The following DYSF variants were observed in gnomAD, a reference collection of about 807,000 sequenced individuals.
DYSF encodes dysferlin.
A neutral mutation model predicts 274.9 loss-of-function variants in DYSF; 212 were observed. The ratio of observed to expected loss-of-function variants is 0.77; its 90% CI spans 0.69 to 0.86. DYSF has a LOEUF of 0.86. DYSF is among the 40% of genes least tolerant of loss of function. The pLI is 0.00. For missense variants in DYSF, 2,666 were observed against 2,783.2 expected (o/e 0.96, Z 0.95); for synonymous variants, 1,091 against 1,078.7 (o/e 1.01, Z -0.22).
chr2:71,464,063 T>G (rs973388324), upstream of DYSF, among the ~76,000 whole-genome samples: 2 of 152,186 alleles, frequency 1.3e-5, no homozygotes, highest in African/African-American at 4.8e-5. Flanking sequence ...CCCACCCCCA[T>G]GCTCATCCTA....
rs886042493 is a variant in DYSF at position 71,665,293 on chromosome 2, T to C, written c.5306T>C (p.Ile1769Thr). ...RVMFQDKEYS[I>T]EEIEAGRIPN... The stretch of plus-strand genomic sequence containing the variant: ...ATGTTTCAGGATAAAGAATATTCCA[T>C]TGAAGAGATAGGTGAGCTGCCACAT... The change falls in exon 47 of 56, where the codon ATT becomes ACT. Residue 1769 changes from isoleucine to threonine, a missense_variant. This residue lies in a region of DYSF where 1,460 missense variants were observed against 1,502.1 expected (regional missense o/e 0.97). Coordinates refer to ENST00000410020, the MANE Select transcript of DYSF (RefSeq NM_001130987.2). The C allele has an allele frequency of 2.5e-6, 4 of 1,614,164 alleles. No individual in the cohort carries two copies. Among genetic ancestry groups the C allele is most frequent in the Middle Eastern group, 1.6e-4 (1 of 6,062 alleles).
chr2:71,610,283 G>T (rs13395087), intron 36 of DYSF, among the ~76,000 whole-genome samples: 26,903 of 152,154 alleles, frequency 0.18, 5,041 homozygotes, highest in African/African-American at 0.48. Context: ...AAGCTCTAAA[G>T]GTTATACAGG....
chr2:71,513,811 A>AC lies in DYSF; in HGVS notation c.653dup (p.Arg219LysfsTer24), dbSNP rs2152731820. Reference sequence around the variant, plus strand: ...AAGCGGAGGCCCGGGGGCTCCCACCACCCCAAGGAAACTACCTTCACGTCC... The same window carrying AC: ...AAGCGGAGGCCCGGGGGCTCCCACCACCCCCAAGGAAACTACCTTCACGTCC... On this transcript the variant is annotated frameshift_variant, in exon 7 of 56. Coordinates refer to ENST00000410020, the MANE Select transcript of DYSF (RefSeq NM_001130987.2). LOFTEE classifies it high-confidence loss of function. The AC allele has an allele frequency of 6.2e-7, 1 of 1,614,094 alleles. No homozygotes were observed. The highest frequency in any genetic ancestry group is 8.5e-7 in the Non-Finnish European group (1 of 1,179,990).
At chr2:71,499,444 A>C (rs530876786) in intron 3 of DYSF, among the ~76,000 whole-genome samples, 1 of 152,326 alleles carries the variant, frequency 6.6e-6, no homozygotes, top group Admixed American at 6.5e-5. Flanking sequence ...ATAAGACCCA[A>C]TGTTTTAAAA....
chr2:71,601,192 G>A (rs1170406680), intron 34 of DYSF: 12 of 591,206 alleles, frequency 2.0e-5, no homozygotes, highest in Non-Finnish European at 3.3e-5. Context: ...CCATGACCTA[G>A]CCTCATGGCC....
intron 1 of DYSF, among the ~76,000 whole-genome samples, chr2:71,477,002 A>C (rs1322598833): frequency 3.3e-5 from 5 of 152,148 alleles, no homozygotes; most frequent in African/African-American, 1.2e-4. Flanking sequence ...TGAGCTTTTC[A>C]AGCAGAAATT....
chr2:71,667,255 G>T (rs543061516), intron 47 of DYSF, 121 bp from the exon 48 acceptor site: 6 of 1,423,790 alleles, frequency 4.2e-6, no homozygotes, highest in Non-Finnish European at 3.0e-6. Context: ...TGGGGGTGAG[G>T]CTGCGGGGGT....
intron 41 of DYSF, among the ~76,000 whole-genome samples, chr2:71,638,771 T>C (rs571582459): frequency 6.6e-6 from 1 of 152,356 alleles, no homozygotes; most frequent in East Asian, 1.9e-4. Flanking sequence ...TTAGCTGTTA[T>C]GAATAATGCT....
chr2:71,560,983 C>T (rs959541038), intron 22 of DYSF, among the ~76,000 whole-genome samples: 3 of 152,152 alleles, frequency 2.0e-5, no homozygotes, highest in Non-Finnish European at 4.4e-5. Context: ...GTGTGGGTAC[C>T]GACCCCTGGC....
chr2:71,577,012 A>T (rs1309388972), intron 30 of DYSF: 8 of 152,356 alleles, frequency 5.3e-5, no homozygotes, highest in Admixed American at 5.2e-4. Context: ...CCAAAGTGGC[A>T]AAGCCCCGAG....
intron 21 of DYSF, among the ~76,000 whole-genome samples, chr2:71,555,213 C>A (rs1486134881): frequency 6.6e-6 from 1 of 152,168 alleles, no homozygotes; most frequent in South Asian, 2.1e-4. Flanking sequence ...CCAGTATCTG[C>A]CTTCTGGGCC....
chr2:71,537,248 CG>C (rs1321712107), intron 16 of DYSF, among the ~76,000 whole-genome samples: 1 of 29,436 alleles, frequency 3.4e-5, no homozygotes, highest in African/African-American at 1.3e-4. Context: ...TTTTTTTTTG[CG>C]GGGGGCGTGG....
chr2:71,545,606 G>C (rs2090404520), intron 17 of DYSF, among the ~76,000 whole-genome samples: 1 of 152,146 alleles, frequency 6.6e-6, no homozygotes, highest in Non-Finnish European at 1.5e-5. Context: ...GGTATGGAAG[G>C]AACCTCGTCT....
intron 55 of DYSF, 84 bp from the exon 56 acceptor site, chr2:71,686,370 T>G (rs1316837717): frequency 6.4e-7 from 1 of 1,560,228 alleles, no homozygotes; most frequent in Non-Finnish European, 8.8e-7. Flanking sequence ...CCCCATCCTC[T>G]GAGCCCCAGG....
At chr2:71,456,773 C>T (rs1436191609) in intron 1 of DYSF, among the ~76,000 whole-genome samples, 1 of 152,164 alleles carries the variant, frequency 6.6e-6, no homozygotes, top group Non-Finnish European at 1.5e-5. Flanking sequence ...GCCACAGCAT[C>T]CCCACCCCCA....
rs74263952 is a variant in DYSF, at chr2:71,622,130, G to GTTTTTTTTTTTTTTTTTTTTTT, written c.4527+1537_4527+1538insTTTTTTTTTTTTTTTTTTTTTT. Among the ~76,000 whole-genome samples, 79 of 97,016 alleles carry GTTTTTTTTTTTTTTTTTTTTTT rather than the reference G, an allele frequency of 8.1e-4. 12 individuals carry two copies. The highest frequency in any genetic ancestry group is 1.1e-3 in the Non-Finnish European group (57 of 50,408). 63.6% of individuals were successfully genotyped at this position (97,016 alleles called of 152,430 possible). On this transcript the variant is annotated intron_variant, in intron 41 of 55. Transcript: ENST00000410020. ...ATATGTCCATTCAGATGATTTCTTT[G>GTTTTTTTTTTTTTTTTTTTTTT]TTTTTTTTTTTTTTTTGTTACGCCC... is the stretch of plus-strand genomic sequence containing the variant.
chr2:71,644,131 AAG>A (rs2094530864), intron 42 of DYSF, 68 bp downstream of exon 42: 5 of 1,289,292 alleles, frequency 3.9e-6, no homozygotes, highest in Non-Finnish European at 5.5e-6. Context: ...ACACAACAGA[AAG>A]AGAGCTCATG....
intron 55 of DYSF, among the ~76,000 whole-genome samples, chr2:71,683,312 T>C (rs1240355671): frequency 6.6e-6 from 1 of 152,104 alleles, no homozygotes; most frequent in African/African-American, 2.4e-5. Context: ...TGTGGGGCCA[T>C]ACCAGAGGTG....
intron 28 of DYSF, 100 bp from the exon 29 acceptor site, chr2:71,570,499 G>A: frequency 1.3e-6 from 2 of 1,535,060 alleles, no homozygotes; most frequent in Non-Finnish European, 8.9e-7. Flanking sequence ...AGAGTCAGTG[G>A]CCGCTCAAGA....
Sources: gnomAD v4.1 joint callset for allele counts (sites outside exome capture counted in the v4.1 genomes callset) on GRCh38, gnomAD v4.1.1 for gene constraint, gnomAD v4.1.1 regional missense constraint, MANE v1.5 for transcripts, NCBI Gene and HGNC (gene_info 2026-07-23, HGNC 2026-07-21) for gene names.